The following KIF17 variants were observed in gnomAD, a reference collection of about 807,000 sequenced individuals.
KIF17 encodes the protein kinesin family member 17.
A neutral mutation model predicts 96.8 loss-of-function variants in KIF17; 80 were observed. That is an observed-to-expected ratio of 0.83 (90% CI 0.69 to 1.00). The LOEUF (loss-of-function observed/expected upper bound fraction) is 1.00, where lower values mean the gene tolerates loss of function less well. Ranked by LOEUF, KIF17 falls within the 50% of genes least tolerant of loss-of-function variation. The pLI, the probability that KIF17 is intolerant of heterozygous loss-of-function variation, is 0.00. For synonymous variants in KIF17, 567 were observed against 587.5 expected (o/e 0.97, Z 0.51); for missense variants, 1,280 against 1,372.9 (o/e 0.93, Z 1.07).
In KIF17 at chr1:20,666,233, T is replaced by C; in HGVS notation, c.2889A>G (p.Thr963=). ...RSKRASQILS[T]DARKSLTHHN... is the part of the protein sequence containing the mutation. ...ACTCACTGAGGCTCTTCCTGGCGTC[T>C]GTGCTGAGGATCTGGCTGGCCCGCT... Residue 963 remains threonine, a synonymous_variant, in exon 14 of 15, where the codon ACA becomes ACG. Transcript: ENST00000400463. The C allele has an allele frequency of 6.2e-7, 1 of 1,613,920 alleles. No homozygotes were observed. The highest frequency in any genetic ancestry group is 8.5e-7 in the Non-Finnish European group (1 of 1,179,740).
At chr1:20,679,344 G>A (rs974524584) in intron 11 of KIF17, among the ~76,000 whole-genome samples, 1 of 152,150 alleles carries the variant, frequency 6.6e-6, no homozygotes, top group African/African-American at 2.4e-5. Flanking sequence ...GCCAGGCGTG[G>A]TGGTGCATAC....
intron 14 of KIF17, among the ~76,000 whole-genome samples, chr1:20,664,999 G>C (rs910482461): frequency 1.3e-5 from 2 of 152,068 alleles, no homozygotes. Flanking sequence ...GGGTTTTAAA[G>C]CATCAGACTG....
At position 20,670,324 on chromosome 1, in the gene KIF17, G is replaced by C. The variant is rs1450014997; in HGVS notation, c.2790+97C>G. ...TCTTTAATCCTTAGGCGGGAGGAAA[G>C]TGGAAAACCAGCTCTCCACAGTAAC... On this transcript the variant is annotated intron_variant, in intron 13 of 14. Transcript: ENST00000400463. The C allele has an allele frequency of 6.5e-6, 8 of 1,223,636 alleles. No homozygotes were observed. The East Asian group carries it at 7.0e-5, about 11-fold the overall frequency. The allele number at this position is 1,223,636 out of a possible 1,614,324, so 75.8% of individuals were successfully genotyped here.
chr1:20,698,686 T>C (rs2054184546), intron 5 of KIF17, among the ~76,000 whole-genome samples, 198 bp from the exon 6 acceptor site: 1 of 152,204 alleles, frequency 6.6e-6, no homozygotes, highest in African/African-American at 2.4e-5. Flanking sequence ...TTCCAGACTC[T>C]GAGGATGCGG....
chr1:20,707,779 CAATGTG>C (rs2054366054), intron 4 of KIF17, among the ~76,000 whole-genome samples: 1 of 93,108 alleles, frequency 1.1e-5, no homozygotes, highest in Non-Finnish European at 2.0e-5. Context: ...AAAAACAAAC[CAATGTG>C]TATGTGTGTG....
intron 4 of KIF17, among the ~76,000 whole-genome samples, chr1:20,705,549 C>T (rs983468848): frequency 2.0e-5 from 3 of 152,216 alleles, no homozygotes; most frequent in Admixed American, 6.5e-5. Context: ...TCTGTGCCGG[C>T]GCGCAGAACT....
rs1319579140 is a variant in KIF17 at position 20,683,506 on chromosome 1, T to C, written c.2232-622A>G. Among the ~76,000 whole-genome samples the C allele has an allele frequency of 2.0e-5, 3 of 152,052 alleles. 1 individual carries two copies. The highest frequency in any genetic ancestry group is 4.2e-4 in the South Asian group (2 of 4,810). On this transcript the variant is annotated intron_variant, in intron 10 of 14. Coordinates refer to ENST00000400463, the MANE Select transcript of KIF17 (RefSeq NM_001122819.3). ...CCCATCTCTACTAAAAATACAAAAA[T>C]TAGCCGGGCGTGATGGTGCACACCT...
chr1:20,717,393 T>TG (rs939397282), intron 1 of KIF17, 83 bp downstream of exon 1: 12 of 1,503,440 alleles, frequency 8.0e-6, no homozygotes, highest in South Asian at 3.4e-5. Context: ...TCCTCCTGGC[T>TG]GGGGGGCAGC....
chr1:20,707,704 A>T (rs1427904345), intron 4 of KIF17, among the ~76,000 whole-genome samples: 1 of 150,456 alleles, frequency 6.6e-6, no homozygotes, highest in Non-Finnish European at 1.5e-5. Context: ...TGGGAGACCA[A>T]GGTTGCAGTG....
In KIF17 at chr1:20,686,072, C is replaced by T. The variant is rs770517273; in HGVS notation, c.1993G>A (p.Ala665Thr). The T allele has an allele frequency of 1.3e-6, 2 of 1,561,456 alleles. No homozygotes were observed. The highest frequency in any genetic ancestry group is 1.7e-6 in the Non-Finnish European group (2 of 1,152,400). ...GGCCTGGGCGGGAAGTCATCAGCCG[C>T]CTCGGCTTCGGGCCTGGCATCACTG... ...EPSDARPEAE[A>T]ADDFPPRPEV... is the part of the protein sequence containing the mutation. The change falls in exon 9 of 15, where the codon GCG becomes ACG. Residue 665 changes from alanine (A) to threonine (T), a missense_variant. By Grantham distance (58) the Ala-to-Thr change is moderately conservative. Coordinates refer to ENST00000400463, the MANE Select transcript of KIF17 (RefSeq NM_001122819.3).
chr1:20,713,581 T>C, intron 2 of KIF17, 26 bp from the exon 3 acceptor site: 2 of 1,574,468 alleles, frequency 1.3e-6, no homozygotes, highest in Non-Finnish European at 1.7e-6. Context: ...AGAAAGAACC[T>C]AGACCTCAGA....
chr1:20,675,303 C>CCGGG (rs1481309201), intron 11 of KIF17, among the ~76,000 whole-genome samples: 1 of 151,672 alleles, frequency 6.6e-6, no homozygotes, highest in African/African-American at 2.4e-5. Context: ...AAAAAATTAG[C>CCGGG]CGGGCATCTT....
intron 11 of KIF17, among the ~76,000 whole-genome samples, chr1:20,679,022 G>T (rs2053784452): frequency 6.9e-6 from 1 of 144,442 alleles, no homozygotes; most frequent in Non-Finnish European, 1.5e-5. Flanking sequence ...AAAAAAAAAG[G>T]ACTTTGCAGC....
intron 6 of KIF17, among the ~76,000 whole-genome samples, chr1:20,695,937 T>C (rs1490769412): frequency 6.6e-6 from 1 of 152,170 alleles, no homozygotes; most frequent in Non-Finnish European, 1.5e-5. Context: ...ATGGCGGAGC[T>C]GACCCCCAGC....
At chr1:20,663,397 GAAATTGAT>G (rs2053471034), downstream of KIF17, among the ~76,000 whole-genome samples, 2 of 152,158 alleles carry the variant, frequency 1.3e-5, no homozygotes, top group African/African-American at 2.4e-5. Flanking sequence ...GCCTGCCATA[GAAATTGAT>G]ACAAAATAGG....
In KIF17 at chr1:20,717,627, A is replaced by G. The variant is rs1393974990; in HGVS notation, c.80T>C (p.Val27Ala). 2.5e-6 allele frequency: 4 copies of G among 1,608,890 alleles called. No homozygotes were observed. Among genetic ancestry groups the G allele is most frequent in the Non-Finnish European group, 3.4e-6 (4 of 1,179,102 alleles). Reference protein sequence around the residue: ...QRERELRCQPVVTVDCARAQC... With the variant: ...QRERELRCQPAVTVDCARAQC... ...GGCGCGCGCGCAGTCCACAGTCACC[A>G]CGGGCTGGCAGCGCAGCTCTCGCTC... Residue 27 changes from valine (V) to alanine (A), a missense_variant, in exon 1 of 15, where the codon GTG becomes GCG. By Grantham distance (64) the Val-to-Ala change is moderately conservative (BLOSUM62 0). Coordinates refer to ENST00000400463, the MANE Select transcript of KIF17 (RefSeq NM_001122819.3).
chr1:20,682,560 G>T, intron 11 of KIF17, 93 bp downstream of exon 11: 2 of 1,034,456 alleles, frequency 1.9e-6, no homozygotes, highest in Non-Finnish European at 1.5e-6. Flanking sequence ...GTAGAGGGCT[G>T]CCTGGCTTCC....
intron 13 of KIF17, among the ~76,000 whole-genome samples, chr1:20,669,333 C>T (rs1040460779): frequency 3.3e-5 from 5 of 151,840 alleles, no homozygotes; most frequent in Admixed American, 6.6e-5. Context: ...GTCAGGAGAT[C>T]GAGACCATCC....
Position 20,684,802 on chromosome 1 carries a change from T to C in KIF17, c.2231+7A>G, listed in dbSNP as rs550732147. 1.9e-6 allele frequency: 3 copies of C among 1,567,064 alleles called. No homozygotes were observed. Among genetic ancestry groups the C allele is most frequent in the East Asian group, 4.8e-5 (2 of 41,882 alleles). ...GGGTCCCGCCAGCCCCATGCTCTGC[T>C]GCTTACCGGGCCAGCACCTGCTGCT... On this transcript the variant is annotated splice_region_variant and intron_variant, in intron 10 of 14. Transcript: ENST00000400463.
Sources: allele counts gnomAD v4.1 joint callset (sites outside exome capture counted in the v4.1 genomes callset), GRCh38; gene constraint gnomAD v4.1.1; transcripts MANE v1.5; gene names NCBI Gene and HGNC (gene_info 2026-07-23, HGNC 2026-07-21).